ARHGEF37: variants seen among roughly 807,000 people sequenced by gnomAD.
The protein encoded by ARHGEF37 is Rho guanine nucleotide exchange factor (GEF) 37.
ARHGEF37 carries 55 observed loss-of-function variants against 71.1 expected under a neutral mutation model. The observed-to-expected ratio is 0.77, with a 90% CI of 0.62 to 0.97. The LOEUF (loss-of-function observed/expected upper bound fraction) is 0.97, where lower values mean the gene tolerates loss of function less well. Ranked by LOEUF, ARHGEF37 falls within the 50% of genes least tolerant of loss-of-function variation. The probability of loss-of-function intolerance (pLI) is 0.00; values close to 1 mark genes in which losing one functional copy is unlikely to be tolerated. For synonymous variants in ARHGEF37, 327 were observed against 350.6 expected (o/e 0.93, Z 0.75); for missense variants, 765 against 836.8 (o/e 0.91, Z 1.06).
intron 1 of ARHGEF37, among the ~76,000 whole-genome samples, chr5:149,556,605 T>G (rs1762760904): frequency 6.6e-6 from 1 of 152,168 alleles, no homozygotes; most frequent in Admixed American, 6.5e-5. Context: ...CAGGCTGGTT[T>G]CAAACCTCTG....
At chr5:149,619,108 G>C in intron 7 of ARHGEF37, 66 bp downstream of exon 7, 2 of 1,348,788 alleles carry the variant, frequency 1.5e-6, no homozygotes, top group East Asian at 2.3e-5. Flanking sequence ...GAGGCTTGCA[G>C]GGCCCAGCCT....
intron 1 of ARHGEF37, among the ~76,000 whole-genome samples, chr5:149,587,817 ATCTT>A (rs2113278356): frequency 6.6e-6 from 1 of 151,286 alleles, no homozygotes; most frequent in Admixed American, 6.6e-5. Context: ...TATGGTGTCT[ATCTT>A]TATAAACCAG....
At chr5:149,620,245 G>A (rs921717044) in intron 7 of ARHGEF37, 109 bp from the exon 8 acceptor site, 34 of 688,060 alleles carry the variant, frequency 4.9e-5, no homozygotes, top group Non-Finnish European at 8.3e-5. Context: ...TCTCATTGGG[G>A]GTGTGTAGAG....
At chr5:149,582,355 G>A (rs898340051) in intron 1 of ARHGEF37, among the ~76,000 whole-genome samples, 1 of 152,234 alleles carries the variant, frequency 6.6e-6, no homozygotes, top group Non-Finnish European at 1.5e-5. Context: ...GGTGGTTTCA[G>A]AGCACTTTCT....
rs115971653 is a variant in ARHGEF37 at position 149,553,565 on chromosome 5, A to G, written c.-12+1442A>G. Among the ~76,000 whole-genome samples the G allele has an allele frequency of 2.8e-3, 430 of 152,302 alleles. 4 individuals are homozygous for G. The highest frequency in any genetic ancestry group is 9.8e-3 in the African/African-American group (406 of 41,548). Reference sequence around the variant, plus strand: ...GGAGTTCTCCATAAGGGGATGAGGTATACATTTAGACGGATATTTTGGTAT... The same window carrying G: ...GGAGTTCTCCATAAGGGGATGAGGTGTACATTTAGACGGATATTTTGGTAT... On this transcript the variant is annotated intron_variant, in intron 1 of 2. Coordinates refer to the ARHGEF37 transcript ENST00000505810.
At chr5:149,611,671 A>G (rs978227173) in intron 4 of ARHGEF37, among the ~76,000 whole-genome samples, 2 of 152,352 alleles carry the variant, frequency 1.3e-5, no homozygotes, top group East Asian at 1.9e-4. Flanking sequence ...ACAGCCCCGC[A>G]TGGGGCATTG....
At chr5:149,587,895 T>TAG (rs1491456188) in intron 1 of ARHGEF37, among the ~76,000 whole-genome samples, 1 of 28,320 alleles carries the variant, frequency 3.5e-5, no homozygotes. Flanking sequence ...CCCTTTAGTC[T>TAG]TTTTTTTTTT....
chr5:149,602,166 C>T (rs917910613), intron 3 of ARHGEF37, among the ~76,000 whole-genome samples: 1 of 151,716 alleles, frequency 6.6e-6, no homozygotes, highest in Non-Finnish European at 1.5e-5. Flanking sequence ...AAGCAATTCT[C>T]CTGCCTCAGC....
chr5:149,607,364 C>G (rs1280871332), intron 3 of ARHGEF37, among the ~76,000 whole-genome samples: 2 of 152,238 alleles, frequency 1.3e-5, no homozygotes, highest in African/African-American at 2.4e-5. Context: ...CTTGGTGCTG[C>G]TCTTCCCTTG....
intron 1 of ARHGEF37, among the ~76,000 whole-genome samples, chr5:149,558,412 A>C (rs1762781574): frequency 6.6e-6 from 1 of 152,172 alleles, no homozygotes. Context: ...AGGCTGAGGC[A>C]GGAAAATGGC....
intron 1 of ARHGEF37, among the ~76,000 whole-genome samples, chr5:149,583,400 T>C (rs780404362): frequency 1.3e-5 from 2 of 152,168 alleles, no homozygotes; most frequent in Non-Finnish European, 2.9e-5. Context: ...CCTCCCAAAG[T>C]GCTGGGATTA....
Position 149,632,318 on chromosome 5 carries a change from A to T in ARHGEF37, c.*127A>T. 9.4e-7 allele frequency: 1 copy of T among 1,068,420 alleles called. No homozygotes were observed. The highest frequency in any genetic ancestry group is 1.3e-6 in the Non-Finnish European group (1 of 751,252). 66.2% of individuals were successfully genotyped at this position (1,068,420 alleles called of 1,614,324 possible). The stretch of plus-strand genomic sequence containing the variant: ...GACCAGGCCAGGGTGGGTGAAGCAC[A>T]CTCAGGAGGCAGCCAGAAGACATGG... On this transcript the variant is annotated 3_prime_UTR_variant, in exon 13 of 13. Coordinates refer to ENST00000333677, the MANE Select transcript of ARHGEF37 (RefSeq NM_001001669.3).
chr5:149,579,915 G>A (rs761255537), upstream of ARHGEF37, among the ~76,000 whole-genome samples: 1 of 151,970 alleles, frequency 6.6e-6, no homozygotes, highest in Non-Finnish European at 1.5e-5. Context: ...TACTCAAATT[G>A]TTAGAAAAGT....
intron 10 of ARHGEF37, chr5:149,626,781 T>C: frequency 3.9e-6 from 1 of 255,014 alleles, no homozygotes; most frequent in Non-Finnish European, 7.4e-6. Context: ...ACCCTGACGG[T>C]ATGGGCAGAA....
intron 1 of ARHGEF37, among the ~76,000 whole-genome samples, chr5:149,555,725 T>C (rs1231131587): frequency 6.6e-6 from 1 of 152,040 alleles, no homozygotes; most frequent in Non-Finnish European, 1.5e-5. Context: ...CCACAACTAC[T>C]ACCAAAAGAA....
chr5:149,554,640 C>T (rs982053899), intron 1 of ARHGEF37, among the ~76,000 whole-genome samples: 1 of 143,668 alleles, frequency 7.0e-6, no homozygotes, highest in African/African-American at 2.7e-5. Flanking sequence ...TTAAGAATGG[C>T]AAAATTGTTT....
At chr5:149,560,651 G>A (rs565506815) in intron 1 of ARHGEF37, among the ~76,000 whole-genome samples, 4 of 152,144 alleles carry the variant, frequency 2.6e-5, no homozygotes, top group East Asian at 3.9e-4. Flanking sequence ...GGTTGGGTGC[G>A]GTGGCTCATG....
chr5:149,621,471 T>C, intron 8 of ARHGEF37, among the ~76,000 whole-genome samples: 1 of 152,094 alleles, frequency 6.6e-6, no homozygotes, highest in Non-Finnish European at 1.5e-5. Flanking sequence ...TCAAGGTCTT[T>C]GCATAATAAT....
Position 149,616,780 on chromosome 5 carries a change from C to T in ARHGEF37, c.658+14C>T, listed in dbSNP as rs1752396925. 5 of 1,578,502 alleles carry T rather than the reference C, an allele frequency of 3.2e-6. No individual in the cohort carries two copies. Among genetic ancestry groups the T allele is most frequent in the Non-Finnish European group, 4.3e-6 (5 of 1,154,326 alleles). The stretch of plus-strand genomic sequence containing the variant: ...GCAAGGAAGTGGGTAAGGACTTGGG[C>T]ATTTAAGGGGACACATTAGTAGGAA... On this transcript the variant is annotated intron_variant, in intron 5 of 12. Coordinates refer to ENST00000333677, the MANE Select transcript of ARHGEF37 (RefSeq NM_001001669.3).
Sources: allele counts gnomAD v4.1 joint callset (sites outside exome capture counted in the v4.1 genomes callset), GRCh38; gene constraint gnomAD v4.1.1; transcripts MANE v1.5; gene names NCBI Gene and HGNC (gene_info 2026-07-23, HGNC 2026-07-21).